SYNDIG1: variants seen among roughly 807,000 people sequenced by gnomAD.
The protein encoded by SYNDIG1 is synapse differentiation-inducing gene protein 1.
SYNDIG1 carries 9 observed loss-of-function variants against 19.4 expected under a neutral mutation model. That is an observed-to-expected ratio of 0.46 (90% CI 0.28 to 0.81). The LOEUF (loss-of-function observed/expected upper bound fraction) is 0.81, where lower values mean the gene tolerates loss of function less well. Among genes scored for constraint, SYNDIG1 ranks in the 30% least tolerant of loss-of-function variants. The probability of loss-of-function intolerance (pLI) is 0.12; values close to 1 mark genes in which losing one functional copy is unlikely to be tolerated. For missense variants in SYNDIG1, 311 were observed against 343.3 expected (o/e 0.91, Z 0.74); for synonymous variants, 141 against 145.9 (o/e 0.97, Z 0.24).
At chr20:24,633,912 C>T (rs1370282334) in intron 3 of SYNDIG1, among the ~76,000 whole-genome samples, 1 of 152,212 alleles carries the variant, frequency 6.6e-6, no homozygotes, top group Non-Finnish European at 1.5e-5. Context: ...CACCTTTTCA[C>T]TCCTGCCCTC....
chr20:24,621,572 A>G (rs2059038392), intron 3 of SYNDIG1, among the ~76,000 whole-genome samples: 1 of 152,202 alleles, frequency 6.6e-6, no homozygotes, highest in Admixed American at 6.5e-5. Context: ...TAGTATCTGA[A>G]GCAGTGGCAT....
At chr20:24,605,422 C>T (rs1030469062) in intron 3 of SYNDIG1, among the ~76,000 whole-genome samples, 2 of 152,006 alleles carry the variant, frequency 1.3e-5, no homozygotes, top group African/African-American at 4.8e-5. Flanking sequence ...TATCTCTCCT[C>T]TCTCTCTCTC....
intron 1 of SYNDIG1, among the ~76,000 whole-genome samples, chr20:24,482,640 A>G (rs1009680180): frequency 1.3e-5 from 2 of 152,202 alleles, no homozygotes; most frequent in African/African-American, 4.8e-5. Context: ...CCAGTAATGA[A>G]CTGTCAGAAA....
chr20:24,525,145 GTTA>G (rs994110958), intron 1 of SYNDIG1, among the ~76,000 whole-genome samples: 1 of 151,938 alleles, frequency 6.6e-6, no homozygotes, highest in Non-Finnish European at 1.5e-5. Flanking sequence ...TGATCAAATG[GTTA>G]TTAAGAAAGC....
chr20:24,575,445 C>T (rs902530270), intron 2 of SYNDIG1, among the ~76,000 whole-genome samples: 2 of 152,166 alleles, frequency 1.3e-5, no homozygotes, highest in African/African-American at 4.8e-5. Flanking sequence ...TACTCTGGCC[C>T]CAGAATCAAA....
Position 24,665,965 on chromosome 20 carries a change from G to A in SYNDIG1, c.*461G>A, listed in dbSNP as rs1411187547. Reference sequence around the variant, plus strand: ...CCTTTGTGCCCCCCGGAGTCCACACGCCTTCCCTGCAAGACGAGAATGGGG... The same window carrying A: ...CCTTTGTGCCCCCCGGAGTCCACACACCTTCCCTGCAAGACGAGAATGGGG... On this transcript the variant is annotated 3_prime_UTR_variant, in exon 4 of 4. Coordinates refer to ENST00000376862, the MANE Select transcript of SYNDIG1 (RefSeq NM_024893.3). 2.4e-5 allele frequency: 4 copies of A among 164,124 alleles called. No homozygotes were observed. The highest frequency in any genetic ancestry group is 3.4e-4 in the South Asian group (2 of 5,944). The allele number at this position is 164,124 out of a possible 1,614,324, so 10.2% of individuals were successfully genotyped here.
rs752388446 is a variant in SYNDIG1 at position 24,538,040 on chromosome 20, C to T, written c.-78-4980C>T. Among the ~76,000 whole-genome samples the T allele has an allele frequency of 3.9e-5, 6 of 152,142 alleles. 1 individual carries two copies. Among genetic ancestry groups the T allele is most frequent in the Non-Finnish European group, 8.8e-5 (6 of 68,014 alleles). On this transcript the variant is annotated intron_variant, in intron 1 of 3. Coordinates refer to ENST00000376862, the MANE Select transcript of SYNDIG1 (RefSeq NM_024893.3). ...CATCTGTAAATACTTTAGCATGAAT[C>T]TCCACATAGATAGCTCTTCTTTTTA...
intron 1 of SYNDIG1, among the ~76,000 whole-genome samples, chr20:24,510,816 CTA>C (rs1345693593): frequency 6.6e-6 from 1 of 152,118 alleles, no homozygotes; most frequent in Non-Finnish European, 1.5e-5. Flanking sequence ...TCTGGATTTT[CTA>C]TTAGTAGATT....
intron 1 of SYNDIG1, among the ~76,000 whole-genome samples, chr20:24,484,746 C>A (rs1456271759): frequency 6.6e-6 from 1 of 152,198 alleles, no homozygotes; most frequent in Non-Finnish European, 1.5e-5. Flanking sequence ...AAAGTAGAGC[C>A]TTTTCTTACC....
chr20:24,489,448 GAC>G (rs924317486), intron 1 of SYNDIG1, among the ~76,000 whole-genome samples: 6 of 148,832 alleles, frequency 4.0e-5, no homozygotes, highest in Admixed American at 6.7e-5. Flanking sequence ...TGCACACACA[GAC>G]ACATGCACAC....
chr20:24,503,130 C>T (rs538917553), intron 1 of SYNDIG1, among the ~76,000 whole-genome samples: 1 of 152,312 alleles, frequency 6.6e-6, no homozygotes, highest in East Asian at 1.9e-4. Context: ...ACTGTGCCCT[C>T]ATTCTTCTCA....
chr20:24,627,753 TGATTACAGG>T (rs1466651485), intron 3 of SYNDIG1, among the ~76,000 whole-genome samples: 1 of 152,270 alleles, frequency 6.6e-6, no homozygotes, highest in Non-Finnish European at 1.5e-5. Context: ...TGAGTTTGTT[TGATTACAGG>T]GTCCCACTGC....
chr20:24,543,474 T>G lies in SYNDIG1; in HGVS notation c.377T>G (p.Leu126Arg). ...IEDRSPTKDS[L>R]EYPDGKFIDL... ...GACCGGTCGCCCACCAAAGACAGCC[T>G]CGAGTACCCGGATGGGAAGTTCATT... is the stretch of plus-strand genomic sequence containing the variant. The change falls in exon 2 of 4, where the codon CTC becomes CGC. Residue 126 changes from leucine (L) to arginine (R), a missense_variant. By Grantham distance (102) the Leu-to-Arg change is moderately radical (BLOSUM62 -2). Coordinates refer to ENST00000376862, the MANE Select transcript of SYNDIG1 (RefSeq NM_024893.3). 8 of 1,613,096 alleles carry G rather than the reference T, an allele frequency of 5.0e-6. No individual in the cohort carries two copies. The highest frequency in any genetic ancestry group is 5.9e-6 in the Non-Finnish European group (7 of 1,179,948).
rs562145582 is a variant in SYNDIG1 at position 24,499,346 on chromosome 20, C to G, written c.-79+29593C>G. ...AGCCTAGTGAAAGATGGGAATCTTTCCTGATCCAGTTCAGCCACAAGTGGT... is the reference window on the plus strand; with the variant it reads ...AGCCTAGTGAAAGATGGGAATCTTTGCTGATCCAGTTCAGCCACAAGTGGT... On this transcript the variant is annotated intron_variant, in intron 1 of 3. Transcript: ENST00000376862. Among the ~76,000 whole-genome samples the G allele has an allele frequency of 1.9e-4, 29 of 152,246 alleles. 1 individual carries two copies. The South Asian group carries it at 5.4e-3, about 28-fold the overall frequency.
intron 2 of SYNDIG1, among the ~76,000 whole-genome samples, chr20:24,566,616 A>AAT (rs1300663898): frequency 1.3e-5 from 2 of 152,298 alleles, no homozygotes; most frequent in South Asian, 2.1e-4. Flanking sequence ...TAATCACTGC[A>AAT]CACATCCCTT....
At chr20:24,637,009 G>A (rs2059322825) in intron 3 of SYNDIG1, among the ~76,000 whole-genome samples, 1 of 152,246 alleles carries the variant, frequency 6.6e-6, no homozygotes, top group Admixed American at 6.5e-5. Context: ...ATTTTCCCCT[G>A]CACATGGGAA....
chr20:24,595,151 T>C (rs1427591291), intron 3 of SYNDIG1, among the ~76,000 whole-genome samples: 6 of 152,236 alleles, frequency 3.9e-5, no homozygotes, highest in Non-Finnish European at 8.8e-5. Context: ...TTTGGGTTTG[T>C]GATAAATGGC....
At position 24,517,805 on chromosome 20, in the gene SYNDIG1, T is replaced by TA. The variant is rs1555790325; in HGVS notation, c.-78-25215_-78-25214insA. ...CACATTTTTTTTGAAAAAATATTTT[T>TA]TATATATATATATATTTTGAGAGGG... is the stretch of plus-strand genomic sequence containing the variant. On this transcript the variant is annotated intron_variant, in intron 1 of 3. Transcript: ENST00000376862. 8.8e-4 allele frequency among the ~76,000 whole-genome samples: 126 copies of TA among 143,152 alleles called. 1 individual carries two copies. The highest frequency in any genetic ancestry group is 7.1e-3 in the Middle Eastern group (2 of 280). 93.9% of individuals were successfully genotyped at this position (143,152 alleles called of 152,430 possible).
At chr20:24,525,655 GAGAC>G (rs1262542050) in intron 1 of SYNDIG1, among the ~76,000 whole-genome samples, 1 of 152,142 alleles carries the variant, frequency 6.6e-6, no homozygotes, top group Non-Finnish European at 1.5e-5. Flanking sequence ...GAGAGTGAGA[GAGAC>G]AGAGAATGAG....
Sources: allele counts gnomAD v4.1 joint callset (sites outside exome capture counted in the v4.1 genomes callset), GRCh38; gene constraint gnomAD v4.1.1; transcripts MANE v1.5; gene names NCBI Gene and HGNC (gene_info 2026-07-23, HGNC 2026-07-21).